Variants in ZMPSTE24 observed in about 807,000 individuals in gnomAD.
ZMPSTE24 encodes CAAX prenyl protease 1 homolog.
Under a neutral mutation model 56.7 loss-of-function variants are expected in ZMPSTE24, and 48 were observed. That is an observed-to-expected ratio of 0.85 (90% CI 0.67 to 1.08). The LOEUF (loss-of-function observed/expected upper bound fraction) is 1.08. ZMPSTE24 is among the 50% of genes least tolerant of loss of function. The pLI, the probability that ZMPSTE24 is intolerant of heterozygous loss-of-function variation, is 0.00. For missense variants in ZMPSTE24, 503 were observed against 548.7 expected (o/e 0.92, Z 0.83); for synonymous variants, 172 against 195.2 (o/e 0.88, Z 0.99).
intron 6 of ZMPSTE24, among the ~76,000 whole-genome samples, chr1:40,278,556 T>C (rs1371619797): frequency 7.8e-5 from 1 of 12,862 alleles, no homozygotes; most frequent in African/African-American, 3.4e-4. Context: ...AGACTCCGTC[T>C]CAAAAAAAAA....
chr1:40,262,749 T>G, intron 2 of ZMPSTE24: 4 of 999,776 alleles, frequency 4.0e-6, no homozygotes, highest in Non-Finnish European at 5.0e-6. Flanking sequence ...TTGGTAAGTG[T>G]ATTTGCCTCT....
chr1:40,292,640 C>A lies in ZMPSTE24; in HGVS notation c.1399C>A (p.Gln467Lys). 6.2e-7 allele frequency: 1 copy of A among 1,614,072 alleles called. No homozygotes were observed. The highest frequency in any genetic ancestry group is 8.5e-7 in the Non-Finnish European group (1 of 1,179,980). Residue 467 changes from glutamine (Q) to lysine (K), a missense_variant, in exon 10 of 10, where the codon CAA becomes AAA. Coordinates refer to ENST00000372759, the MANE Select transcript of ZMPSTE24 (RefSeq NM_005857.5). ...TCATCCTCCACTGCTAGAGAGACTT[C>A]AAGCTTTGAAAACTATGAAGCAACA... ...YSHPPLLERL[Q>K]ALKTMKQH
intron 8 of ZMPSTE24, among the ~76,000 whole-genome samples, chr1:40,287,514 TA>T (rs2124594603): frequency 6.7e-6 from 1 of 149,340 alleles, no homozygotes; most frequent in East Asian, 2.2e-4. Flanking sequence ...CTATCTCTAC[TA>T]AAAATACAAA....
chr1:40,261,086 C>A, intron 2 of ZMPSTE24, 101 bp downstream of exon 2: 2 of 1,403,934 alleles, frequency 1.4e-6, no homozygotes, highest in Non-Finnish European at 2.0e-6. Context: ...TCCCAGAATG[C>A]TTTCTTAACC....
chr1:40,258,518 T>G, intron 1 of ZMPSTE24, 124 bp downstream of exon 1: 1 of 1,540,936 alleles, frequency 6.5e-7, no homozygotes, highest in Admixed American at 1.8e-5. Flanking sequence ...TGGTCCCTGC[T>G]GAGTCTCGTA....
At chr1:40,292,266 G>A (rs907096915) in intron 9 of ZMPSTE24, among the ~76,000 whole-genome samples, 179 bp from the exon 10 acceptor site, 4 of 152,108 alleles carry the variant, frequency 2.6e-5, no homozygotes, top group Admixed American at 6.6e-5. Flanking sequence ...TTGCTTGGGG[G>A]AGAATAAGGC....
chr1:40,259,758 G>A (rs1319642266), intron 1 of ZMPSTE24, among the ~76,000 whole-genome samples: 1 of 151,456 alleles, frequency 6.6e-6, no homozygotes, highest in South Asian at 2.1e-4. Flanking sequence ...CCACAGGTGC[G>A]GATCACTGTG....
intron 6 of ZMPSTE24, among the ~76,000 whole-genome samples, chr1:40,275,752 CAA>C (rs34281343): frequency 2.1e-4 from 13 of 62,680 alleles, no homozygotes; most frequent in Middle Eastern, 8.6e-3. Flanking sequence ...GACCCTGTCT[CAA>C]AAAAAAAAAA....
At chr1:40,280,072 C>T (rs976428308) in intron 6 of ZMPSTE24, among the ~76,000 whole-genome samples, 6 of 152,044 alleles carry the variant, frequency 3.9e-5, no homozygotes, top group East Asian at 3.8e-4. Flanking sequence ...TTTTTATTTT[C>T]GCTTAGCTCA....
chr1:40,269,094 A>G (rs866761567), intron 4 of ZMPSTE24, among the ~76,000 whole-genome samples: 118 of 150,052 alleles, frequency 7.9e-4, no homozygotes, highest in Middle Eastern at 3.5e-3. Context: ...AAAAAAAAAA[A>G]AAAGAAAGAA....
At chr1:40,288,305 G>A (rs1004224420) in intron 8 of ZMPSTE24, among the ~76,000 whole-genome samples, 4 of 152,202 alleles carry the variant, frequency 2.6e-5, no homozygotes, top group African/African-American at 9.7e-5. Flanking sequence ...GCTATGTTGT[G>A]TGGATACATG....
In ZMPSTE24 at chr1:40,282,262, A is replaced by G. The variant is rs187448936; in HGVS notation, c.954+735A>G. Among the ~76,000 whole-genome samples, 155 of 152,344 alleles carry G rather than the reference A, an allele frequency of 1.0e-3. 2 individuals carry two copies. The highest frequency in any genetic ancestry group is 8.2e-3 in the Admixed American group (125 of 15,300). On this transcript the variant is annotated intron_variant, in intron 7 of 9. Coordinates refer to ENST00000372759, the MANE Select transcript of ZMPSTE24 (RefSeq NM_005857.5). The stretch of plus-strand genomic sequence containing the variant: ...CAAATCTGACATGAGAGTCTGAGAA[A>G]GCTGCTTCTGAATCCTTTTCGTGGA...
At chr1:40,273,959 T>A (rs1023520745) in intron 6 of ZMPSTE24, among the ~76,000 whole-genome samples, 1 of 152,072 alleles carries the variant, frequency 6.6e-6, no homozygotes, top group East Asian at 1.9e-4. Flanking sequence ...TCATTTTAGA[T>A]AAAATAGTCA....
chr1:40,291,197 T>C (rs1452580036), intron 9 of ZMPSTE24, among the ~76,000 whole-genome samples, 200 bp downstream of exon 9: 1 of 152,214 alleles, frequency 6.6e-6, no homozygotes, highest in African/African-American at 2.4e-5. Context: ...GTTTGCATAC[T>C]CTTAGGAAAG....
Position 40,273,516 on chromosome 1 carries a change from T to TCAAAAAAAAAA in ZMPSTE24, c.769+1481_769+1482insCAAAAAAAAAA, listed in dbSNP as rs1208318399. 8.7e-3 allele frequency among the ~76,000 whole-genome samples: 92 copies of TCAAAAAAAAAA among 10,560 alleles called. 28 individuals carry two copies. The highest frequency in any genetic ancestry group is 0.02 in the African/African-American group (35 of 1,760). 6.9% of individuals were successfully genotyped at this position (10,560 alleles called of 152,430 possible). A position where few individuals can be genotyped will look rare whatever the true frequency, so the allele number is the denominator to read the frequency against. ...TGGGCAACAAGAGCCAAATTCTGTC[T>TCAAAAAAAAAA]AAAAAAAAAAAAAAAAAAAAAATAT... On this transcript the variant is annotated intron_variant, in intron 6 of 9. Coordinates refer to ENST00000372759, the MANE Select transcript of ZMPSTE24 (RefSeq NM_005857.5).
chr1:40,266,550 C>T (rs536767179), intron 2 of ZMPSTE24, among the ~76,000 whole-genome samples: 28 of 152,164 alleles, frequency 1.8e-4, no homozygotes, highest in African/African-American at 6.5e-4. Context: ...CTGTGAAAGC[C>T]GGGCCCCTAC....
intron 2 of ZMPSTE24, among the ~76,000 whole-genome samples, chr1:40,261,593 T>G (rs1308729368): frequency 2.0e-5 from 3 of 152,214 alleles, no homozygotes; most frequent in Non-Finnish European, 4.4e-5. Context: ...GGTAGTTCCT[T>G]AAAGAAATAG....
At chr1:40,280,274 C>T (rs1643714733) in intron 6 of ZMPSTE24, among the ~76,000 whole-genome samples, 1 of 152,160 alleles carries the variant, frequency 6.6e-6, no homozygotes, top group African/African-American at 2.4e-5. Flanking sequence ...CTTCAAGGCT[C>T]TCATCTCCTT....
rs761390798 is a variant in ZMPSTE24 at position 40,281,491 on chromosome 1, A to T, written c.918A>T (p.Glu306Asp). 13 of 1,614,136 alleles carry T rather than the reference A, an allele frequency of 8.1e-6. No individual in the cohort carries two copies. The highest frequency in any genetic ancestry group is 6.7e-5 in the Admixed American group (4 of 60,024). ...CTGGCATGGAACCCCGCAATGAGGA[A>T]GAAGGGAACAGTGAAGAAATAAAAG... The part of the protein sequence containing the change: ...EDSGMEPRNE[E>D]EGNSEEIKAK... Residue 306 changes from glutamate to aspartate, a missense_variant, in exon 7 of 10, where the codon GAA (glutamate) becomes GAT (aspartate). Glu to Asp is a conservative substitution (Grantham distance 45). Transcript: ENST00000372759.
Sources: gnomAD v4.1 joint callset for allele counts (sites outside exome capture counted in the v4.1 genomes callset) on GRCh38, gnomAD v4.1.1 for gene constraint, MANE v1.5 for transcripts, NCBI Gene and HGNC (gene_info 2026-07-23, HGNC 2026-07-21) for gene names.